WDR43: variants seen among roughly 807,000 people sequenced by gnomAD.
The protein encoded by WDR43 is WD repeat domain 43.
Under a neutral mutation model 91.4 loss-of-function variants are expected in WDR43, and 13 were observed. The observed-to-expected ratio is 0.14, with a 90% CI of 0.09 to 0.23. The LOEUF (loss-of-function observed/expected upper bound fraction) is 0.23, where lower values mean the gene tolerates loss of function less well. Among genes scored for constraint, WDR43 ranks in the 10% least tolerant of loss-of-function variants. WDR43 has a pLI of 1.00. For synonymous variants in WDR43, 331 were observed against 287.9 expected (o/e 1.15, Z -1.51); for missense variants, 780 against 809.4 (o/e 0.96, Z 0.44).
intron 1 of WDR43, chr2:28,895,964 A>G (rs1003017817): frequency 2.0e-5 from 3 of 152,212 alleles, no homozygotes; most frequent in African/African-American, 7.2e-5. Flanking sequence ...GGGTTGGGAA[A>G]AGGGATACAT....
intron 1 of WDR43, among the ~76,000 whole-genome samples, chr2:28,896,181 T>C (rs536083394): frequency 7.9e-5 from 12 of 152,310 alleles, no homozygotes; most frequent in African/African-American, 2.9e-4. Context: ...ATTTTAACAG[T>C]CCTGTAAAGT....
intron 7 of WDR43, 43 bp from the exon 8 acceptor site, chr2:28,924,939 G>A (rs779057402): frequency 1.3e-5 from 20 of 1,585,712 alleles, no homozygotes; most frequent in African/African-American, 2.7e-5. Flanking sequence ...AGTATGAGAC[G>A]TTTTTTCAAA....
At chr2:28,926,878 GTACT>G (rs1378378899) in intron 9 of WDR43, among the ~76,000 whole-genome samples, 1 of 152,178 alleles carries the variant, frequency 6.6e-6, no homozygotes, top group Non-Finnish European at 1.5e-5. Flanking sequence ...ATCAATCTCA[GTACT>G]TAAAAGAGCA....
intron 1 of WDR43, among the ~76,000 whole-genome samples, chr2:28,898,226 G>A (rs1335484036): frequency 6.6e-6 from 1 of 152,210 alleles, no homozygotes; most frequent in African/African-American, 2.4e-5. Context: ...CTGCAATTAA[G>A]ATGACCCTAT....
At chr2:28,939,923 C>A (rs982348644) in intron 14 of WDR43, among the ~76,000 whole-genome samples, 38 of 151,750 alleles carry the variant, frequency 2.5e-4, no homozygotes, top group Non-Finnish European at 2.4e-4. Context: ...CTTTCTAACA[C>A]GGTGAAACCC....
chr2:28,910,253 A>G (rs1670764973), intron 3 of WDR43, among the ~76,000 whole-genome samples: 1 of 152,204 alleles, frequency 6.6e-6, no homozygotes, highest in South Asian at 2.1e-4. Flanking sequence ...GGGGAAGTAG[A>G]TGAAGGAAGC....
chr2:28,926,905 G>A (rs1364659000), intron 9 of WDR43, among the ~76,000 whole-genome samples: 1 of 152,198 alleles, frequency 6.6e-6, no homozygotes, highest in Admixed American at 6.5e-5. Context: ...ACTTTGCTGA[G>A]AGGAATGCTG....
chr2:28,904,506 T>C (rs1670640745), intron 2 of WDR43, among the ~76,000 whole-genome samples: 2 of 152,198 alleles, frequency 1.3e-5, no homozygotes, highest in Non-Finnish European at 2.9e-5. Context: ...CTGCTGGCAA[T>C]AGTATTATGT....
intron 4 of WDR43, among the ~76,000 whole-genome samples, chr2:28,913,262 G>GT (rs1192834942): frequency 2.0e-5 from 3 of 151,950 alleles, no homozygotes; most frequent in Admixed American, 2.0e-4. Flanking sequence ...CCGAAACAAG[G>GT]TTTTTTTAAA....
chr2:28,909,063 A>C (rs1158977433), intron 3 of WDR43, among the ~76,000 whole-genome samples: 2 of 152,040 alleles, frequency 1.3e-5, no homozygotes, highest in Non-Finnish European at 2.9e-5. Context: ...TCAGTCAGTC[A>C]ATTTTATTCA....
intron 11 of WDR43, 137 bp downstream of exon 11, chr2:28,929,847 CAT>C (rs1381956349): frequency 1.1e-6 from 1 of 930,302 alleles, no homozygotes; most frequent in Non-Finnish European, 1.6e-6. Flanking sequence ...TTTAGTCAAA[CAT>C]GTATCACTTG....
At chr2:28,925,725 C>T (rs187452556) in intron 8 of WDR43, among the ~76,000 whole-genome samples, 4 of 152,192 alleles carry the variant, frequency 2.6e-5, no homozygotes, top group East Asian at 1.9e-4. Context: ...GCGTTTACTT[C>T]GTATGATCCT....
At chr2:28,914,563 G>C (rs1331473185) in intron 5 of WDR43, among the ~76,000 whole-genome samples, 1 of 152,162 alleles carries the variant, frequency 6.6e-6, no homozygotes, top group Non-Finnish European at 1.5e-5. Flanking sequence ...AAATTGCTTG[G>C]CTGTCTCAGA....
intron 7 of WDR43, 146 bp downstream of exon 7, chr2:28,923,129 A>T: frequency 1.5e-6 from 1 of 667,260 alleles, no homozygotes. Context: ...ATGACTATAT[A>T]CATTGCCAGT....
At chr2:28,921,867 T>C (rs74397318) in intron 6 of WDR43, among the ~76,000 whole-genome samples, 4,933 of 152,192 alleles carry the variant, frequency 0.032, 262 homozygotes, top group African/African-American at 0.11. Flanking sequence ...GTGCCCACCA[T>C]ACTCTGCTAA....
intron 5 of WDR43, among the ~76,000 whole-genome samples, chr2:28,915,929 T>G (rs533719656): frequency 6.6e-6 from 1 of 152,234 alleles, no homozygotes; most frequent in Admixed American, 6.5e-5. Flanking sequence ...AATTTTCTTC[T>G]GAACTCCAAA....
chr2:28,914,004 A>G (rs1341235635), intron 4 of WDR43, 65 bp from the exon 5 acceptor site: 3 of 1,581,962 alleles, frequency 1.9e-6, no homozygotes, highest in African/African-American at 2.7e-5. Flanking sequence ...TTTTGATAAT[A>G]TATACTATTA....
chr2:28,934,420 C>T (rs571562190), intron 11 of WDR43, among the ~76,000 whole-genome samples: 22 of 152,188 alleles, frequency 1.4e-4, no homozygotes, highest in African/African-American at 5.3e-4. Flanking sequence ...GTGTTTATTA[C>T]GCTTCATTTG....
At chr2:28,924,178 T>C (rs1336956372) in intron 7 of WDR43, among the ~76,000 whole-genome samples, 2 of 151,864 alleles carry the variant, frequency 1.3e-5, no homozygotes, top group Non-Finnish European at 2.9e-5. Flanking sequence ...GAGAAAGGAG[T>C]TGACAGATCA....
Sources: allele counts gnomAD v4.1 joint callset (sites outside exome capture counted in the v4.1 genomes callset), GRCh38; gene constraint gnomAD v4.1.1; transcripts MANE v1.5; gene names NCBI Gene and HGNC (gene_info 2026-07-23, HGNC 2026-07-21).